Variants in CLUL1 observed in about 807,000 individuals in gnomAD.
CLUL1 encodes clusterin-like protein 1.
A neutral mutation model predicts 49.4 loss-of-function variants in CLUL1; 43 were observed. That is an observed-to-expected ratio of 0.87 (90% CI 0.68 to 1.12). The LOEUF is 1.12. Among genes scored for constraint, CLUL1 ranks in the 50% most tolerant of loss-of-function variants. The pLI, the probability that CLUL1 is intolerant of heterozygous loss-of-function variation, is 0.00. For synonymous variants in CLUL1, 192 were observed against 184.9 expected (o/e 1.04, Z -0.31); for missense variants, 486 against 544.4 (o/e 0.89, Z 1.07).
rs575182616 is a variant in CLUL1, at chr18:613,283, T to C, written c.-13-4705T>C. 5.8e-4 allele frequency: 231 copies of C among 401,032 alleles called. 4 individuals carry two copies. The highest frequency in any genetic ancestry group is 4.3e-3 in the African/African-American group (208 of 48,280). 24.8% of individuals were successfully genotyped at this position (401,032 alleles called of 1,614,324 possible). The stretch of plus-strand genomic sequence containing the variant: ...CCTCTCGAGTGGCTGGGACTATAGG[T>C]GCGTGCCACCACACCCAGCTAATTT... On this transcript the variant is annotated intron_variant, in intron 2 of 9. Coordinates refer to ENST00000692774, the MANE Select transcript of CLUL1 (RefSeq NM_001393344.1).
In CLUL1 at chr18:633,283, T is replaced by TTA. The variant is rs746488795; in HGVS notation, c.857-13_857-12dup. ...CTCTTATGACACTAACGTGTAAATG[T>TTA]TATGTTCCCTGTAGCTCCTGACCAC... On this transcript the variant is annotated splice_polypyrimidine_tract_variant and intron_variant, in intron 6 of 9. Transcript: ENST00000692774. The TTA allele has an allele frequency of 4.4e-6, 7 of 1,601,862 alleles. No individual in the cohort carries two copies. The highest frequency in any genetic ancestry group is 1.7e-4 in the Middle Eastern group (1 of 6,024).
Position 633,279 on chromosome 18 carries a change from A to C in CLUL1, c.857-19A>C. ...CAAACTCTTATGACACTAACGTGTA[A>C]ATGTTATGTTCCCTGTAGCTCCTGA... On this transcript the variant is annotated intron_variant, in intron 6 of 9. Transcript: ENST00000692774. 6.3e-7 allele frequency: 1 copy of C among 1,591,430 alleles called. No homozygotes were observed. The highest frequency in any genetic ancestry group is 1.3e-5 in the African/African-American group (1 of 74,190).
chr18:626,905 A>AG (rs1567966444), intron 5 of CLUL1, among the ~76,000 whole-genome samples, 192 bp from the exon 6 acceptor site: 23 of 800 alleles, frequency 0.029, 1 homozygote, highest in Admixed American at 0.071. Context: ...GAAAGAAAGA[A>AG]AGAAAGAAAG....
intron 7 of CLUL1, 120 bp from the exon 8 acceptor site, chr18:641,205 TAA>T (rs1397344757): frequency 1.1e-5 from 8 of 734,268 alleles, no homozygotes; most frequent in Admixed American, 2.7e-5. Context: ...CAGGCATAAC[TAA>T]AAACTACCAC....
At chr18:598,821 A>AT (rs2143904343) in intron 1 of CLUL1, among the ~76,000 whole-genome samples, 1 of 152,318 alleles carries the variant, frequency 6.6e-6, no homozygotes, top group African/African-American at 2.4e-5. Context: ...TTAAAAAAAA[A>AT]GCACCCCCTC....
At chr18:630,788 G>A (rs12969347) in intron 6 of CLUL1, among the ~76,000 whole-genome samples, 17,013 of 143,488 alleles carry the variant, frequency 0.12, 1,174 homozygotes, top group East Asian at 0.3. Context: ...CTAGGTTCAA[G>A]CGATTCTCCT....
At position 633,298 on chromosome 18, in the gene CLUL1, C is replaced by T. The variant is rs1374928453; in HGVS notation, c.857C>T (p.Ala286Val). The change falls in exon 7 of 10, where the codon GCT becomes GTT. Residue 286 changes from alanine to valine, a missense_variant and splice_region_variant. Transcript: ENST00000692774. ...AIEDLPKQDK[A>V]PDHGGLISKM... ...CGTGTAAATGTTATGTTCCCTGTAG[C>T]TCCTGACCACGGAGGCCTGATTTCA... 6.2e-7 allele frequency: 1 copy of T among 1,610,832 alleles called. No homozygotes were observed. Among genetic ancestry groups the T allele is most frequent in the East Asian group, 2.2e-5 (1 of 44,842 alleles).
intron 2 of CLUL1, among the ~76,000 whole-genome samples, chr18:616,415 T>A (rs1268597541): frequency 6.6e-6 from 1 of 152,236 alleles, no homozygotes; most frequent in Non-Finnish European, 1.5e-5. Context: ...TCTAAGAGAC[T>A]AATTTTGCTT....
rs114376481 is a variant in CLUL1 at position 608,958 on chromosome 18, G to A, written c.-14+1859G>A. Reference sequence around the variant, plus strand: ...AATAATCCACAGAGTCAGCACACAAGGATTCTTTTTTCCATATATAGGCTG... The same window carrying A: ...AATAATCCACAGAGTCAGCACACAAAGATTCTTTTTTCCATATATAGGCTG... On this transcript the variant is annotated intron_variant, in intron 2 of 9. Transcript: ENST00000692774. Among the ~76,000 whole-genome samples, 1,015 of 152,176 alleles carry A rather than the reference G, an allele frequency of 6.7e-3. 12 individuals are homozygous for A. The highest frequency in any genetic ancestry group is 0.022 in the African/African-American group (912 of 41,522).
intron 2 of CLUL1, among the ~76,000 whole-genome samples, chr18:609,358 A>G (rs2073067512): frequency 6.6e-6 from 1 of 152,148 alleles, no homozygotes; most frequent in Non-Finnish European, 1.5e-5. Flanking sequence ...AAAATATGAC[A>G]TATATATCTG....
chr18:643,138 T>C (rs922116906), intron 8 of CLUL1, among the ~76,000 whole-genome samples: 2 of 152,074 alleles, frequency 1.3e-5, no homozygotes, highest in African/African-American at 4.8e-5. Flanking sequence ...ATACAAAAAA[T>C]AGAATAGGAC....
chr18:642,946 GC>G (rs1214839864), intron 8 of CLUL1, among the ~76,000 whole-genome samples: 1 of 152,138 alleles, frequency 6.6e-6, no homozygotes, highest in Non-Finnish European at 1.5e-5. Context: ...GCACCTGAGA[GC>G]ATTCTTTATA....
Position 605,976 on chromosome 18 carries a change from G to A in CLUL1, c.-135-1002G>A, listed in dbSNP as rs571782711. ...CACCACACCCAGCCCCAGTGTAGTC[G>A]TTTTTTCTTTTCTTTTTTATTCTAT... On this transcript the variant is annotated intron_variant, in intron 1 of 9. Transcript: ENST00000692774. Among the ~76,000 whole-genome samples the A allele has an allele frequency of 6.6e-5, 10 of 152,222 alleles. No individual in the cohort carries two copies. In the South Asian group the frequency reaches 1.9e-3, roughly 28 times the overall value.
intron 7 of CLUL1, among the ~76,000 whole-genome samples, chr18:636,015 G>C (rs1019812492): frequency 2.6e-5 from 4 of 152,150 alleles, no homozygotes; most frequent in Non-Finnish European, 5.9e-5. Context: ...GATTACAGGT[G>C]TGAGCCATCG....
intron 9 of CLUL1, among the ~76,000 whole-genome samples, chr18:646,832 C>T (rs943485445): frequency 2.0e-5 from 3 of 151,832 alleles, no homozygotes; most frequent in African/African-American, 7.3e-5. Context: ...TCACTGCAAC[C>T]TCGGCCTCCC....
intron 9 of CLUL1, chr18:645,317 T>C: frequency 2.4e-6 from 1 of 412,454 alleles, no homozygotes; most frequent in African/African-American, 2.0e-5. Flanking sequence ...AATTCTCATA[T>C]ATCATGTATT....
chr18:646,297 AT>A (rs1206551493), intron 9 of CLUL1, among the ~76,000 whole-genome samples: 1 of 151,598 alleles, frequency 6.6e-6, no homozygotes, highest in Non-Finnish European at 1.5e-5. Context: ...ATGTGACAGG[AT>A]TTGTTGCCTC....
intron 2 of CLUL1, among the ~76,000 whole-genome samples, chr18:616,150 C>T (rs2073283219): frequency 6.6e-6 from 1 of 152,136 alleles, no homozygotes; most frequent in Non-Finnish European, 1.5e-5. Flanking sequence ...TTAAATGAAT[C>T]ATTAAGGGCT....
intron 9 of CLUL1, 58 bp from the exon 10 acceptor site, chr18:649,840 A>G (rs559216204): frequency 3.6e-6 from 4 of 1,104,566 alleles, no homozygotes; most frequent in East Asian, 2.4e-5. Flanking sequence ...AAATACACTG[A>G]GTCTGTGAGT....
Sources: allele counts gnomAD v4.1 joint callset (sites outside exome capture counted in the v4.1 genomes callset), GRCh38; gene constraint gnomAD v4.1.1; transcripts MANE v1.5; gene names NCBI Gene and HGNC (gene_info 2026-07-23, HGNC 2026-07-21).